Variants in RASSF8 observed in about 807,000 individuals in gnomAD.
RASSF8 encodes ras association domain-containing protein 8.
In RASSF8, 22 loss-of-function variants were observed where a neutral mutation model predicts 48.5. That is an observed-to-expected ratio of 0.45 (90% CI 0.32 to 0.65). The LOEUF is 0.65. RASSF8 is among the 30% of genes least tolerant of loss of function. The pLI is 0.03. For missense variants in RASSF8, 418 were observed against 489.2 expected, an observed-to-expected ratio of 0.85 and a Z score of 1.37; for synonymous variants, 127 against 171.5, an observed-to-expected ratio of 0.74 and a Z score of 2.03.
rs182201664 is a variant in RASSF8, at chr12:26,007,125, T to C, written c.-109+11995T>C. 2.6e-3 allele frequency among the ~76,000 whole-genome samples: 390 copies of C among 152,080 alleles called. 4 individuals carry two copies. Among genetic ancestry groups the C allele is most frequent in the African/African-American group, 8.8e-3 (366 of 41,502 alleles). On this transcript the variant is annotated intron_variant, in intron 2 of 5. Coordinates refer to ENST00000689635, the MANE Select transcript of RASSF8 (RefSeq NM_001394098.1). ...GGAGGGAGGAGGTGCCAGGCTCTTT[T>C]CAGCAACCAGCTCTGGCAGAGCTCA...
At chr12:26,011,575 G>A (rs958343603) in intron 2 of RASSF8, among the ~76,000 whole-genome samples, 7 of 152,106 alleles carry the variant, frequency 4.6e-5, no homozygotes, top group African/African-American at 1.7e-4. Flanking sequence ...TTCAAATGTT[G>A]AAACCTAATC....
chr12:26,019,337 G>A (rs184428940), intron 2 of RASSF8, among the ~76,000 whole-genome samples: 19 of 152,068 alleles, frequency 1.2e-4, no homozygotes, highest in African/African-American at 4.6e-4. Context: ...TTGAGAAGGA[G>A]CAAAAAATAA....
chr12:26,073,251 C>T (rs7133818), downstream of RASSF8, among the ~76,000 whole-genome samples: 17 of 152,296 alleles, frequency 1.1e-4, no homozygotes, highest in African/African-American at 3.9e-4. Context: ...AATCACACAA[C>T]CCCTAAGTAA....
chr12:25,965,837 GATTC>G (rs1941348162), intron 1 of RASSF8, among the ~76,000 whole-genome samples: 1 of 152,182 alleles, frequency 6.6e-6, no homozygotes, highest in Non-Finnish European at 1.5e-5. Context: ...ATGGTTTGGA[GATTC>G]ATTCATGTTG....
At chr12:26,057,847 G>A (rs1031505768) in intron 3 of RASSF8, among the ~76,000 whole-genome samples, 13 of 152,164 alleles carry the variant, frequency 8.5e-5, no homozygotes, top group African/African-American at 3.1e-4. Context: ...GTATCTCATT[G>A]TGGTTTTGAT....
At chr12:26,020,460 A>G (rs1186253427) in intron 2 of RASSF8, 1 of 152,242 alleles carries the variant, frequency 6.6e-6, no homozygotes, top group Non-Finnish European at 1.5e-5. Flanking sequence ...AACAAATGTA[A>G]AAATAGATTG....
intron 2 of RASSF8, among the ~76,000 whole-genome samples, chr12:26,015,681 T>G (rs1285182654): frequency 3.3e-5 from 5 of 152,178 alleles, no homozygotes; most frequent in African/African-American, 1.2e-4. Context: ...AGTGATGTTG[T>G]TAGAATAAGA....
At chr12:26,025,444 G>A (rs1942886793) in intron 2 of RASSF8, among the ~76,000 whole-genome samples, 1 of 151,694 alleles carries the variant, frequency 6.6e-6, no homozygotes, top group South Asian at 2.1e-4. Context: ...GTATTCCCAG[G>A]TACTCGGGAC....
intron 1 of RASSF8, among the ~76,000 whole-genome samples, chr12:25,986,975 G>A (rs1592235926): frequency 6.6e-6 from 1 of 151,102 alleles, no homozygotes; most frequent in South Asian, 2.1e-4. Context: ...TTCGCTCGTC[G>A]CCCAGGCTGG....
At position 26,071,515 on chromosome 12, in the gene RASSF8, A is replaced by G. The variant is rs1056763337; in HGVS notation, c.*2697A>G. 1.0e-6 allele frequency: 1 copy of G among 968,628 alleles called. No individual in the cohort carries two copies. The highest frequency in any genetic ancestry group is 1.2e-6 in the Non-Finnish European group (1 of 814,744). 60.0% of individuals were successfully genotyped at this position (968,628 alleles called of 1,614,324 possible). A position where few individuals can be genotyped will look rare whatever the true frequency, so the allele number is the denominator to read the frequency against. ...AGAAATAATTTGGAATAGCATTGGTATATTTGACCTTTTGAGTGTCTGTCA... is the reference window on the plus strand; with the variant it reads ...AGAAATAATTTGGAATAGCATTGGTGTATTTGACCTTTTGAGTGTCTGTCA... On this transcript the variant is annotated 3_prime_UTR_variant, in exon 6 of 6. Transcript: ENST00000689635.
intron 1 of RASSF8, among the ~76,000 whole-genome samples, chr12:25,961,174 GT>G (rs1941225112): frequency 6.6e-6 from 1 of 152,094 alleles, no homozygotes; most frequent in Non-Finnish European, 1.5e-5. Context: ...TAATTGATCT[GT>G]TTTATGTTGA....
At chr12:26,026,795 G>C (rs930424347) in intron 2 of RASSF8, among the ~76,000 whole-genome samples, 10 of 152,140 alleles carry the variant, frequency 6.6e-5, no homozygotes, top group Admixed American at 6.5e-4. Context: ...CACTGTTGGT[G>C]GGAATGTAAA....
intron 2 of RASSF8, among the ~76,000 whole-genome samples, chr12:26,054,292 T>C (rs1943554344): frequency 6.6e-6 from 1 of 152,176 alleles, no homozygotes; most frequent in Non-Finnish European, 1.5e-5. Context: ...GTAACATTCT[T>C]ATCGATACAG....
At chr12:26,063,932 A>T (rs1395358763) in intron 3 of RASSF8, among the ~76,000 whole-genome samples, 2 of 151,924 alleles carry the variant, frequency 1.3e-5, no homozygotes, top group Non-Finnish European at 2.9e-5. Flanking sequence ...TCAGGTGGAG[A>T]TGGAGAGGAG....
In RASSF8 at chr12:26,067,694, A is replaced by AC; in HGVS notation, c.1120dup (p.His374ProfsTer5). On this transcript the variant is annotated frameshift_variant, in exon 5 of 6. Coordinates refer to ENST00000689635, the MANE Select transcript of RASSF8 (RefSeq NM_001394098.1). LOFTEE classifies it high-confidence loss of function. ...CGGAGCCCATTGAAATAGAGGCCTCACATGCAGACATTGAAAGGGGTAAGA... is the reference window on the plus strand; with the variant it reads ...CGGAGCCCATTGAAATAGAGGCCTCACCATGCAGACATTGAAAGGGGTAAGA... 6.2e-7 allele frequency: 1 copy of AC among 1,614,200 alleles called. No individual in the cohort carries two copies. The highest frequency in any genetic ancestry group is 8.5e-7 in the Non-Finnish European group (1 of 1,180,014).
chr12:26,059,152 A>C (rs973176623), intron 3 of RASSF8, among the ~76,000 whole-genome samples: 5 of 152,204 alleles, frequency 3.3e-5, no homozygotes, highest in Non-Finnish European at 7.3e-5. Flanking sequence ...TTTATCTCAA[A>C]CCAAAAATAT....
Position 26,070,110 on chromosome 12 carries a change from G to A in RASSF8, c.*1292G>A, listed in dbSNP as rs766367512. The stretch of plus-strand genomic sequence containing the variant: ...GCCATTTTTACATTCCCTCTGGTTA[G>A]ATTTGGTACAGTATAATTAAGACTT... On this transcript the variant is annotated 3_prime_UTR_variant, in exon 6 of 6. Coordinates refer to ENST00000689635, the MANE Select transcript of RASSF8 (RefSeq NM_001394098.1). The A allele has an allele frequency of 3.7e-4, 361 of 975,778 alleles. No homozygotes were observed. The highest frequency in any genetic ancestry group is 6.8e-4 in the Admixed American group (11 of 16,270). 60.4% of individuals were successfully genotyped at this position (975,778 alleles called of 1,614,324 possible). A position where few individuals can be genotyped will look rare whatever the true frequency, so the allele number is the denominator to read the frequency against.
chr12:25,980,095 A>G (rs768940666), intron 1 of RASSF8, among the ~76,000 whole-genome samples: 21 of 152,350 alleles, frequency 1.4e-4, no homozygotes, highest in Non-Finnish European at 2.5e-4. Context: ...TTCTGCTTTC[A>G]TCAGGTTTTC....
intron 2 of RASSF8, among the ~76,000 whole-genome samples, chr12:26,029,149 C>T (rs1380217788): frequency 6.6e-6 from 1 of 152,184 alleles, no homozygotes; most frequent in Non-Finnish European, 1.5e-5. Flanking sequence ...TCCTGTCCCT[C>T]GCCCCTCAGT....
Sources: allele counts gnomAD v4.1 joint callset (sites outside exome capture counted in the v4.1 genomes callset), GRCh38; gene constraint gnomAD v4.1.1; transcripts MANE v1.5; gene names NCBI Gene and HGNC (gene_info 2026-07-23, HGNC 2026-07-21).